Variants in MAGI2 observed in about 807,000 individuals in gnomAD.
The protein encoded by MAGI2 is membrane-associated guanylate kinase, WW and PDZ domain-containing protein 2.
MAGI2 carries 35 observed loss-of-function variants against 133.3 expected under a neutral mutation model. That is an observed-to-expected ratio of 0.26 (90% CI 0.20 to 0.35). The LOEUF (loss-of-function observed/expected upper bound fraction) is 0.35. Ranked by LOEUF, MAGI2 falls within the 10% of genes least tolerant of loss-of-function variation. MAGI2 has a pLI of 1.00. For missense variants in MAGI2, 1,636 were observed against 1,863.4 expected (o/e 0.88, Z 2.25); for synonymous variants, 729 against 710.6 (o/e 1.03, Z -0.41).
intron 2 of MAGI2, among the ~76,000 whole-genome samples, chr7:78,680,595 T>A (rs1815539715): frequency 6.6e-6 from 1 of 152,188 alleles, no homozygotes; most frequent in African/African-American, 2.4e-5. Flanking sequence ...TAGACAGGAT[T>A]ATATCCACAA....
intron 2 of MAGI2, among the ~76,000 whole-genome samples, chr7:78,737,497 C>T (rs764177955): frequency 4.6e-5 from 7 of 152,130 alleles, no homozygotes; most frequent in Admixed American, 2.0e-4. Context: ...AGAATATTCA[C>T]AATTACTTAA....
chr7:78,866,951 A>C (rs1271163676), intron 2 of MAGI2, among the ~76,000 whole-genome samples: 1 of 152,066 alleles, frequency 6.6e-6, no homozygotes, highest in Non-Finnish European at 1.5e-5. Flanking sequence ...GCTCACCATC[A>C]CTGGCCATCA....
chr7:78,973,019 CA>C (rs1803923518), intron 2 of MAGI2, among the ~76,000 whole-genome samples: 1 of 151,600 alleles, frequency 6.6e-6, no homozygotes, highest in Non-Finnish European at 1.5e-5. Flanking sequence ...TCATTTCCCT[CA>C]AAGTAGTTAC....
At chr7:79,444,464 G>T (rs1306703535) in intron 1 of MAGI2, among the ~76,000 whole-genome samples, 2 of 152,136 alleles carry the variant, frequency 1.3e-5, no homozygotes, top group South Asian at 4.1e-4. Context: ...CTTCAGCAAA[G>T]TCTCAGCATA....
chr7:78,019,724 G>A lies in MAGI2; in HGVS notation c.3959C>T (p.Pro1320Leu), dbSNP rs372645110. 13 of 1,605,150 alleles carry A rather than the reference G, an allele frequency of 8.1e-6. No homozygotes were observed. The highest frequency in any genetic ancestry group is 1.0e-5 in the Non-Finnish European group (12 of 1,178,256). The change falls in exon 22 of 22, where the codon CCG becomes CTG. Residue 1320 changes from proline to leucine, a missense_variant. Pro to Leu is a moderately conservative substitution (Grantham distance 98, BLOSUM62 -3). This residue lies in a region of MAGI2 where 354 missense variants were observed against 298.7 expected (regional missense o/e 1.19). Transcript: ENST00000354212. ...GAGCCTCGGCCGCGCGGCCCTCTGCGGACTCGCCGAGCGCTCCCTCTGCTC... is the reference window on the plus strand; with the variant it reads ...GAGCCTCGGCCGCGCGGCCCTCTGCAGACTCGCCGAGCGCTCCCTCTGCTC... ...LGEQRERSASPQRAARPRLEE... is the reference protein window; with the variant it reads ...LGEQRERSASLQRAARPRLEE...
chr7:78,225,147 A>G (rs1162309229), intron 10 of MAGI2, among the ~76,000 whole-genome samples: 1 of 152,128 alleles, frequency 6.6e-6, no homozygotes, highest in Non-Finnish European at 1.5e-5. Context: ...ATTACTCATC[A>G]GAGATCACTT....
chr7:79,185,088 C>A (rs1188990468), intron 1 of MAGI2, among the ~76,000 whole-genome samples: 1 of 151,730 alleles, frequency 6.6e-6, no homozygotes, highest in African/African-American at 2.4e-5. Flanking sequence ...AATCTGGAGA[C>A]AAGTACTCTG....
chr7:78,380,687 G>T (rs1794844048), intron 6 of MAGI2, among the ~76,000 whole-genome samples: 1 of 152,046 alleles, frequency 6.6e-6, no homozygotes, highest in Non-Finnish European at 1.5e-5. Context: ...TTGCACAACA[G>T]GGAGACTATA....
intron 21 of MAGI2, among the ~76,000 whole-genome samples, chr7:78,042,229 C>G (rs1245681371): frequency 6.6e-6 from 1 of 152,028 alleles, no homozygotes; most frequent in East Asian, 1.9e-4. Flanking sequence ...GTTCAGGTGC[C>G]CAGTGGTTGA....
chr7:78,664,048 TCA>T (rs1371298297), intron 2 of MAGI2, among the ~76,000 whole-genome samples: 1 of 152,224 alleles, frequency 6.6e-6, no homozygotes, highest in Admixed American at 6.5e-5. Context: ...TCATAGTTTT[TCA>T]GTCTGTAGCA....
At chr7:78,176,908 G>GACTCTCTCACAC (rs781171770) in intron 14 of MAGI2, among the ~76,000 whole-genome samples, 1 of 130,432 alleles carries the variant, frequency 7.7e-6, no homozygotes, top group African/African-American at 2.9e-5. Context: ...ACCATATATA[G>GACTCTCTCACAC]ACACACACAC....
intron 2 of MAGI2, among the ~76,000 whole-genome samples, chr7:78,812,108 G>A (rs1789116518): frequency 6.6e-6 from 1 of 152,110 alleles, no homozygotes; most frequent in Admixed American, 6.6e-5. Context: ...TCCGGGAAAG[G>A]CGAGGAAATA....
intron 2 of MAGI2, among the ~76,000 whole-genome samples, chr7:78,991,655 G>A (rs182788331): frequency 3.3e-5 from 5 of 150,344 alleles, no homozygotes; most frequent in Admixed American, 2.0e-4. Flanking sequence ...GCTTGATATA[G>A]CTAGGCTTTT....
At chr7:78,740,907 C>T (rs1453417184) in intron 2 of MAGI2, among the ~76,000 whole-genome samples, 1 of 152,218 alleles carries the variant, frequency 6.6e-6, no homozygotes, top group Admixed American at 6.5e-5. Context: ...ATATTATTCT[C>T]AAGAACAGGC....
intron 1 of MAGI2, among the ~76,000 whole-genome samples, chr7:79,138,777 G>T (rs554250107): frequency 6.6e-6 from 1 of 152,096 alleles, no homozygotes; most frequent in South Asian, 2.1e-4. Context: ...AGGCCAAGGC[G>T]GGCGGATCAC....
intron 2 of MAGI2, among the ~76,000 whole-genome samples, chr7:78,665,519 G>A (rs997505278): frequency 8.6e-5 from 13 of 151,900 alleles, no homozygotes; most frequent in African/African-American, 2.7e-4. Context: ...AGCCAGAAGT[G>A]GTCCAAGGCT....
rs576679257 is a variant in MAGI2, at chr7:79,045,112, A to G, written c.302-37906T>C. 5.3e-5 allele frequency among the ~76,000 whole-genome samples: 8 copies of G among 152,356 alleles called. No individual in the cohort carries two copies. The East Asian group carries it at 9.6e-4, about 18-fold the overall frequency. On this transcript the variant is annotated intron_variant, in intron 1 of 21. Transcript: ENST00000354212. Reference sequence around the variant, plus strand: ...GGATGAATTTCAGAAACATTGTACTAAGAAAATGAAACTATACTCAAGAAG... The same window carrying G: ...GGATGAATTTCAGAAACATTGTACTGAGAAAATGAAACTATACTCAAGAAG...
intron 20 of MAGI2, among the ~76,000 whole-genome samples, chr7:78,107,781 T>C (rs1016065082): frequency 1.3e-5 from 2 of 151,764 alleles, no homozygotes; most frequent in African/African-American, 4.8e-5. Context: ...TTTATTAGTA[T>C]ATAGCTATTC....
intron 1 of MAGI2, among the ~76,000 whole-genome samples, chr7:79,114,982 C>T (rs2129544174): frequency 6.6e-6 from 1 of 152,234 alleles, no homozygotes; most frequent in African/African-American, 2.4e-5. Flanking sequence ...TTTTTATTAA[C>T]TTGGTGTATA....
Sources: gnomAD v4.1 joint callset for allele counts (sites outside exome capture counted in the v4.1 genomes callset) on GRCh38, gnomAD v4.1.1 for gene constraint, gnomAD v4.1.1 regional missense constraint, MANE v1.5 for transcripts, NCBI Gene and HGNC (gene_info 2026-07-23, HGNC 2026-07-21) for gene names.